Variants in FER1L6 observed in about 807,000 individuals in gnomAD.
FER1L6 encodes the protein fer-1 like family member 6, also known as fer-1-like protein 6.
Under a neutral mutation model 219.2 loss-of-function variants are expected in FER1L6, and 177 were observed. The observed-to-expected ratio is 0.81, with a 90% confidence interval of 0.71 to 0.91. The LOEUF (loss-of-function observed/expected upper bound fraction) is 0.91. FER1L6 is among the 40% of genes least tolerant of loss of function. The probability of loss-of-function intolerance (pLI) is 0.00; values close to 1 mark genes in which losing one functional copy is unlikely to be tolerated. For missense variants in FER1L6, 2,153 were observed against 2,259.9 expected, an observed-to-expected ratio of 0.95 and a Z score of 0.96; for synonymous variants, 768 against 824.3, an observed-to-expected ratio of 0.93 and a Z score of 1.17.
intron 12 of FER1L6, among the ~76,000 whole-genome samples, chr8:123,990,868 T>G (rs1343869842): frequency 1.3e-5 from 2 of 152,234 alleles, no homozygotes; most frequent in Admixed American, 6.5e-5. Context: ...ATTTAAGTCC[T>G]TGATCCATCT....
chr8:123,954,783 A>T (rs1814938103), intron 1 of FER1L6, among the ~76,000 whole-genome samples: 1 of 152,166 alleles, frequency 6.6e-6, no homozygotes, highest in Non-Finnish European at 1.5e-5. Flanking sequence ...CTAAACATAT[A>T]AGCAAAATGG....
At chr8:123,979,006 A>G (rs1816210307) in intron 10 of FER1L6, among the ~76,000 whole-genome samples, 1 of 152,216 alleles carries the variant, frequency 6.6e-6, no homozygotes, top group Admixed American at 6.5e-5. Context: ...TAAAATATAG[A>G]CATCAGGACC....
At chr8:123,917,708 T>A (rs908986854) in intron 1 of FER1L6, among the ~76,000 whole-genome samples, 1 of 152,258 alleles carries the variant, frequency 6.6e-6, no homozygotes, top group African/African-American at 2.4e-5. Flanking sequence ...GAAATACTTA[T>A]TTTTTGATGT....
At position 124,039,894 on chromosome 8, in the gene FER1L6, T is replaced by C. The variant is rs374211449; in HGVS notation, c.2477T>C (p.Phe826Ser). 7.0e-5 allele frequency: 113 copies of C among 1,614,022 alleles called. No individual in the cohort carries two copies. The highest frequency in any genetic ancestry group is 9.0e-5 in the Non-Finnish European group (106 of 1,179,992). Residue 826 changes from phenylalanine to serine, a missense_variant, in exon 20 of 41, where the codon TTT becomes TCT. Transcript: ENST00000522917. ...SNLLYQEQHVFQLRAHMYQAR... is the reference protein window; with the variant it reads ...SNLLYQEQHVSQLRAHMYQAR... ...GATTTGTCCACAGAACAGCATGTTT[T>C]TCAGCTGAGGGCTCACATGTACCAA...
rs1013897602 is a variant in FER1L6 at position 124,094,085 on chromosome 8, A to G, written c.4553-811A>G. On this transcript the variant is annotated intron_variant, in intron 34 of 40. Transcript: ENST00000522917. ...ATTTGATAGAATGGCAGATGAGAGCACATTTCCTGTGGGTGGGTGTTGGTA... is the reference window on the plus strand; with the variant it reads ...ATTTGATAGAATGGCAGATGAGAGCGCATTTCCTGTGGGTGGGTGTTGGTA... 2.0e-5 allele frequency among the ~76,000 whole-genome samples: 3 copies of G among 152,162 alleles called. No individual in the cohort carries two copies. In the South Asian group the frequency reaches 6.2e-4, roughly 32 times the overall value.
rs1383087854 is a variant in FER1L6 at position 124,119,673 on chromosome 8, G to A, written c.5457G>A (p.Lys1819=). The change falls in exon 41 of 41, where the codon AAG becomes AAA. Residue 1819 remains lysine (K), a synonymous_variant. Coordinates refer to ENST00000522917, the MANE Select transcript of FER1L6 (RefSeq NM_001039112.2). ...AGTGCCTGTACTACCTCATCTGGAA[G>A]AATTACAAAAAGTACATCATCATTG... ...PFKCLYYLIW[K]NYKKYIIIAF... 6.2e-7 allele frequency: 1 copy of A among 1,613,686 alleles called. No homozygotes were observed. The highest frequency in any genetic ancestry group is 1.7e-5 in the Admixed American group (1 of 60,000).
intron 1 of FER1L6, among the ~76,000 whole-genome samples, chr8:123,922,351 T>C (rs1203872289): frequency 6.6e-6 from 1 of 152,200 alleles, no homozygotes; most frequent in Non-Finnish European, 1.5e-5. Flanking sequence ...AATTTCCGTC[T>C]GAGTCACTGG....
chr8:124,119,625 T>G lies in FER1L6; in HGVS notation c.5409T>G (p.Phe1803Leu). Residue 1803 changes from phenylalanine (F) to leucine (L), a missense_variant, in exon 41 of 41, where the codon TTT becomes TTG. By Grantham distance (22) the Phe-to-Leu change is conservative. Transcript: ENST00000522917. ...CCCTCAGCCGCCCAGACACCTCCTT[T>G]TCGTGGTTCATGAGCCCCTTTAAGT... ...LAKPNRPDTS[F>L]SWFMSPFKCL... The G allele has an allele frequency of 6.2e-7, 1 of 1,613,040 alleles. No individual in the cohort carries two copies. Among genetic ancestry groups the G allele is most frequent in the Non-Finnish European group, 8.5e-7 (1 of 1,179,206 alleles).
At chr8:124,010,754 A>G (rs1006428975) in intron 14 of FER1L6, 40 bp downstream of exon 14, 4 of 1,605,780 alleles carry the variant, frequency 2.5e-6, no homozygotes, top group Middle Eastern at 2.1e-4. Flanking sequence ...AGAATTGGGA[A>G]GCTGGTGGGG....
chr8:124,047,384 T>C lies in FER1L6; in HGVS notation c.2724+1483T>C, dbSNP rs142667738. 2.6e-3 allele frequency among the ~76,000 whole-genome samples: 389 copies of C among 152,384 alleles called. 4 individuals carry two copies. Among genetic ancestry groups the C allele is most frequent in the African/African-American group, 8.9e-3 (371 of 41,594 alleles). On this transcript the variant is annotated intron_variant, in intron 21 of 40. Transcript: ENST00000522917. ...AGGATCATGAGGACTAAAGGAATGT[T>C]GTATAGGCTTTGCATAGTGACTGGT... is the stretch of plus-strand genomic sequence containing the variant.
intron 1 of FER1L6, among the ~76,000 whole-genome samples, chr8:123,872,054 C>T (rs1190336026): frequency 1.3e-5 from 2 of 152,172 alleles, no homozygotes; most frequent in Non-Finnish European, 2.9e-5. Flanking sequence ...AGGAAGCTTC[C>T]AAACATGGCA....
rs1386617657 is a variant in FER1L6, at chr8:124,049,678, C to T, written c.2796C>T (p.Pro932=). 2 of 1,614,066 alleles carry T rather than the reference C, an allele frequency of 1.2e-6. No individual in the cohort carries two copies. Among genetic ancestry groups the T allele is most frequent in the East Asian group, 2.2e-5 (1 of 44,870 alleles). Residue 932 remains proline (P), a synonymous_variant, in exon 22 of 41, where the codon CCC becomes CCT. Transcript: ENST00000522917. ...AGCTGGCTGACCAGGACTATGAGCC[C>T]CCCAGGTTATGCTATCACCCCATCT... The part of the protein sequence containing the change: ...VVKLADQDYE[P]PRLCYHPIFC...
intron 5 of FER1L6, among the ~76,000 whole-genome samples, chr8:123,967,539 T>G (rs1248379643): frequency 6.6e-6 from 1 of 152,254 alleles, no homozygotes. Flanking sequence ...AAAATTTCCA[T>G]GTCGCTAATT....
intron 2 of FER1L6, among the ~76,000 whole-genome samples, chr8:123,960,286 C>T (rs183334755): frequency 1.2e-4 from 19 of 152,224 alleles, no homozygotes; most frequent in East Asian, 7.7e-4. Context: ...CAGCCACTCT[C>T]GTTTTTGCCG....
chr8:123,978,907 T>C (rs1026168067), intron 10 of FER1L6, among the ~76,000 whole-genome samples: 1 of 152,246 alleles, frequency 6.6e-6, no homozygotes, highest in African/African-American at 2.4e-5. Context: ...GGCCCATCTA[T>C]ACAATATCTC....
chr8:123,935,818 T>C (rs1813964877), intron 1 of FER1L6, among the ~76,000 whole-genome samples: 1 of 152,210 alleles, frequency 6.6e-6, no homozygotes, highest in African/African-American at 2.4e-5. Flanking sequence ...TATAAGATTC[T>C]GTTTGCCTTG....
rs1816569726 is a variant in FER1L6, at chr8:123,853,700, G to C, written c.-8+1515G>C. ...CTATCCAAGTTGCACGTATGCAGGT[G>C]ACATGCTCATGGCTATGATGAAGAC... is the stretch of plus-strand genomic sequence containing the variant. On this transcript the variant is annotated intron_variant, in intron 1 of 40. Transcript: ENST00000522917. This position sits in a 1 kb window ranked among gnomAD's most constrained non-coding sequence, Gnocchi z 6.6. Among the ~76,000 whole-genome samples, 1 of 152,216 alleles carries C rather than the reference G, an allele frequency of 6.6e-6. No individual in the cohort carries two copies. The highest frequency in any genetic ancestry group is 1.5e-5 in the Non-Finnish European group (1 of 68,038).
At chr8:124,116,940 G>A (rs929051596) in intron 39 of FER1L6, among the ~76,000 whole-genome samples, 2 of 152,180 alleles carry the variant, frequency 1.3e-5, no homozygotes, top group Non-Finnish European at 1.5e-5. Flanking sequence ...GATAGCCCTA[G>A]AAAACATCTG....
At position 123,979,899 on chromosome 8, in the gene FER1L6, T is replaced by C. The variant is rs76709365; in HGVS notation, c.1064-566T>C. ...TTTTATCAAGGCCCCAAGACCCACCTACCTCTTCAAACTCTCCCAGAGTTC... is the reference window on the plus strand; with the variant it reads ...TTTTATCAAGGCCCCAAGACCCACCCACCTCTTCAAACTCTCCCAGAGTTC... On this transcript the variant is annotated intron_variant, in intron 10 of 40. Transcript: ENST00000522917. 9.5e-3 allele frequency among the ~76,000 whole-genome samples: 1,442 copies of C among 152,284 alleles called. 22 individuals carry two copies. Among genetic ancestry groups the C allele is most frequent in the African/African-American group, 0.031 (1,295 of 41,556 alleles).
Sources: gnomAD v4.1 joint callset for allele counts (sites outside exome capture counted in the v4.1 genomes callset) on GRCh38, gnomAD v4.1.1 for gene constraint, Gnocchi (gnomAD v3.1) non-coding constraint, MANE v1.5 for transcripts, NCBI Gene and HGNC (gene_info 2026-07-23, HGNC 2026-07-21) for gene names.